NEDD4L: variants seen among roughly 807,000 people sequenced by gnomAD.
NEDD4L encodes the protein E3 ubiquitin-protein ligase NEDD4-like.
In NEDD4L, 54 loss-of-function variants were observed where a neutral mutation model predicts 148.9. That is an observed-to-expected ratio of 0.36 (90% CI 0.29 to 0.45). The LOEUF (loss-of-function observed/expected upper bound fraction) is 0.45. Among genes scored for constraint, NEDD4L ranks in the 20% least tolerant of loss-of-function variants. NEDD4L has a pLI of 1.00. For missense variants in NEDD4L, 856 were observed against 1,233.8 expected, an observed-to-expected ratio of 0.69 and a Z score of 4.59; for synonymous variants, 433 against 440.7, an observed-to-expected ratio of 0.98 and a Z score of 0.22.
chr18:58,064,842 C>T (rs1373460315), intron 1 of NEDD4L, among the ~76,000 whole-genome samples: 1 of 152,216 alleles, frequency 6.6e-6, no homozygotes, highest in Non-Finnish European at 1.5e-5. Context: ...CGTGATGACT[C>T]ATCCCTCTCA....
In NEDD4L at chr18:58,396,151, T is replaced by C; in HGVS notation, c.2826-16T>C. 1 of 1,586,318 alleles carries C rather than the reference T, an allele frequency of 6.3e-7. No homozygotes were observed. Among genetic ancestry groups the C allele is most frequent in the South Asian group, 1.1e-5 (1 of 90,038 alleles). ...CTGTTGTGGCTTTTCACCTACACTT[T>C]TTGTTCCTTTTGCAGCTTTAATCGC... is the stretch of plus-strand genomic sequence containing the variant. On this transcript the variant is annotated splice_polypyrimidine_tract_variant and intron_variant, in intron 30 of 30. Coordinates refer to ENST00000400345, the MANE Select transcript of NEDD4L (RefSeq NM_001144967.3).
At chr18:58,262,201 A>G (rs1372604960) in intron 5 of NEDD4L, among the ~76,000 whole-genome samples, 1 of 152,232 alleles carries the variant, frequency 6.6e-6, no homozygotes, top group African/African-American at 2.4e-5. Flanking sequence ...AATATTAGCA[A>G]AAGCAGGTAT....
At chr18:58,377,135 G>A (rs922878987) in intron 24 of NEDD4L, among the ~76,000 whole-genome samples, 16 of 152,200 alleles carry the variant, frequency 1.1e-4, no homozygotes, top group African/African-American at 2.9e-4. Flanking sequence ...ACTCACTGTC[G>A]TGTACTTCCC....
At position 58,256,303 on chromosome 18, in the gene NEDD4L, G is replaced by A. The variant is rs529356914; in HGVS notation, c.297+4249G>A. ...GCCAGGGCGGCCCGGCCGCGGCAGAGCCCAGGCGCTGGTCCCTGCAGCACG... is the reference window on the plus strand; with the variant it reads ...GCCAGGGCGGCCCGGCCGCGGCAGAACCCAGGCGCTGGTCCCTGCAGCACG... On this transcript the variant is annotated intron_variant, in intron 5 of 30. Transcript: ENST00000400345. The surrounding 1 kb of genome is among the most constrained non-coding windows in gnomAD (Gnocchi z 5.2). 8.9e-6 allele frequency: 11 copies of A among 1,231,822 alleles called. No individual in the cohort carries two copies. The East Asian group carries it at 2.8e-4, about 32-fold the overall frequency. The allele number at this position is 1,231,822 out of a possible 1,614,324, so 76.3% of individuals were successfully genotyped here.
chr18:58,136,103 ATAAT>A (rs1312430580), intron 1 of NEDD4L, among the ~76,000 whole-genome samples: 2 of 152,186 alleles, frequency 1.3e-5, no homozygotes, highest in Non-Finnish European at 2.9e-5. Flanking sequence ...AAGCAAGAAA[ATAAT>A]TAAGATAACA....
At chr18:58,057,157 G>A (rs1318020262) in intron 1 of NEDD4L, among the ~76,000 whole-genome samples, 1 of 151,848 alleles carries the variant, frequency 6.6e-6, no homozygotes, top group Non-Finnish European at 1.5e-5. Context: ...CCCTGGCTTC[G>A]TGAAATGCAC....
rs994565573 is a variant in NEDD4L at position 58,249,724 on chromosome 18, G to A, written c.243+787G>A. ...GTGCAGATTTCCAAAGGCCAGTATT[G>A]CCATGAGGCCCATTATAATTGGTCC... On this transcript the variant is annotated intron_variant, in intron 4 of 30. Transcript: ENST00000400345. Among the ~76,000 whole-genome samples the A allele has an allele frequency of 2.6e-5, 4 of 152,194 alleles. No individual in the cohort carries two copies. The East Asian group carries it at 7.7e-4, about 29-fold the overall frequency.
chr18:58,290,560 C>T (rs919799082), intron 5 of NEDD4L, among the ~76,000 whole-genome samples: 2 of 152,010 alleles, frequency 1.3e-5, no homozygotes, highest in Admixed American at 6.6e-5. Context: ...TCCCTTATCT[C>T]GTTGCATTGA....
At chr18:58,158,874 A>G (rs1220975577) in intron 1 of NEDD4L, among the ~76,000 whole-genome samples, 1 of 152,180 alleles carries the variant, frequency 6.6e-6, no homozygotes, top group Non-Finnish European at 1.5e-5. Context: ...GTAAGAGGCA[A>G]CTGTGCACAC....
At chr18:58,068,224 G>A (rs2082705725) in intron 1 of NEDD4L, among the ~76,000 whole-genome samples, 1 of 141,004 alleles carries the variant, frequency 7.1e-6, no homozygotes, top group Non-Finnish European at 1.5e-5. Flanking sequence ...TTTTGAGACG[G>A]AGTCTCGCTC....
intron 2 of NEDD4L, among the ~76,000 whole-genome samples, chr18:58,187,232 G>T (rs1462193220): frequency 1.3e-5 from 2 of 152,192 alleles, no homozygotes; most frequent in African/African-American, 4.8e-5. Context: ...TGGCTCTAGA[G>T]GGGCCTGGAG....
intron 1 of NEDD4L, among the ~76,000 whole-genome samples, chr18:58,067,379 C>A (rs928305992): frequency 6.6e-6 from 1 of 152,170 alleles, no homozygotes; most frequent in Admixed American, 6.5e-5. Context: ...GATTTAGAGT[C>A]CTGGTCCAAC....
chr18:58,135,003 C>T (rs2146030243), intron 1 of NEDD4L, among the ~76,000 whole-genome samples: 1 of 152,148 alleles, frequency 6.6e-6, no homozygotes, highest in Admixed American at 6.5e-5. Context: ...CTTAGAGTGA[C>T]ATTAGAGTTT....
At chr18:58,166,842 G>T (rs2036903710) in intron 2 of NEDD4L, among the ~76,000 whole-genome samples, 1 of 152,094 alleles carries the variant, frequency 6.6e-6, no homozygotes, top group Non-Finnish European at 1.5e-5. Context: ...CTAGATTTCA[G>T]TGCCCCTGCC....
At chr18:58,284,695 G>C (rs992808456) in intron 5 of NEDD4L, among the ~76,000 whole-genome samples, 1 of 152,122 alleles carries the variant, frequency 6.6e-6, no homozygotes, top group Non-Finnish European at 1.5e-5. Flanking sequence ...TTACTTCTTT[G>C]AAAAACTTTT....
chr18:58,330,994 A>T (rs2059743685), intron 11 of NEDD4L, 80 bp downstream of exon 11: 6 of 1,418,048 alleles, frequency 4.2e-6, no homozygotes, highest in Middle Eastern at 1.8e-4. Flanking sequence ...CTCTTACGTA[A>T]ATAGTGACCA....
chr18:58,257,034 T>C (rs1000593970), intron 5 of NEDD4L, among the ~76,000 whole-genome samples: 2 of 152,108 alleles, frequency 1.3e-5, no homozygotes, highest in Admixed American at 1.3e-4. Context: ...CAGAATACCT[T>C]CCCCCTGCTT....
intron 2 of NEDD4L, among the ~76,000 whole-genome samples, chr18:58,241,995 C>T (rs1349871666): frequency 2.6e-5 from 4 of 151,048 alleles, no homozygotes; most frequent in Non-Finnish European, 5.9e-5. Flanking sequence ...GCCACTAGAA[C>T]GGTAACTTGA....
chr18:58,383,774 C>T (rs1409666912), intron 25 of NEDD4L, among the ~76,000 whole-genome samples: 1 of 152,162 alleles, frequency 6.6e-6, no homozygotes, highest in Non-Finnish European at 1.5e-5. Flanking sequence ...CATGTGCAAC[C>T]CTAAGGAATT....
Sources: gnomAD v4.1 joint callset for allele counts (sites outside exome capture counted in the v4.1 genomes callset) on GRCh38, gnomAD v4.1.1 for gene constraint, Gnocchi (gnomAD v3.1) non-coding constraint, MANE v1.5 for transcripts, NCBI Gene and HGNC (gene_info 2026-07-23, HGNC 2026-07-21) for gene names.